Variants in ACOXL observed in about 807,000 individuals in gnomAD.
The protein encoded by ACOXL is acyl-CoA oxidase like.
A neutral mutation model predicts 71.9 loss-of-function variants in ACOXL; 70 were observed. That is an observed-to-expected ratio of 0.97 (90% CI 0.80 to 1.19). ACOXL has a LOEUF of 1.19. Among genes scored for constraint, ACOXL ranks in the 50% most tolerant of loss-of-function variants. ACOXL has a pLI of 0.00. For synonymous variants in ACOXL, 253 were observed against 281.6 expected (o/e 0.90, Z 1.02); for missense variants, 703 against 736.3 (o/e 0.95, Z 0.52).
At chr2:110,880,169 A>G (rs963168815) in intron 10 of ACOXL, among the ~76,000 whole-genome samples, 11 of 149,870 alleles carry the variant, frequency 7.3e-5, no homozygotes, top group African/African-American at 1.5e-4. Flanking sequence ...AAAAAAAAAA[A>G]AAAGAAAAGA....
At chr2:110,945,415 G>A (rs993911955) in intron 12 of ACOXL, among the ~76,000 whole-genome samples, 1 of 147,390 alleles carries the variant, frequency 6.8e-6, no homozygotes, top group Non-Finnish European at 1.5e-5. Flanking sequence ...TGAAATCTGT[G>A]CCAAGGCCTA....
intron 16 of ACOXL, 31 bp downstream of exon 16, chr2:111,049,319 A>T: frequency 6.5e-7 from 1 of 1,548,862 alleles, no homozygotes; most frequent in Non-Finnish European, 8.9e-7. Context: ...CTTATTTCCT[A>T]AAGGCTCAGA....
chr2:110,880,460 G>C (rs942260925), intron 10 of ACOXL, among the ~76,000 whole-genome samples: 5 of 152,196 alleles, frequency 3.3e-5, no homozygotes, highest in Non-Finnish European at 7.3e-5. Flanking sequence ...CAGAATTTAT[G>C]TAACAATCCT....
chr2:111,013,189 T>C (rs1005944806), intron 14 of ACOXL, among the ~76,000 whole-genome samples: 1 of 152,068 alleles, frequency 6.6e-6, no homozygotes, highest in Non-Finnish European at 1.5e-5. Flanking sequence ...TAACTTAGAA[T>C]AAATTCCTGG....
chr2:110,821,929 A>G (rs914149169), intron 9 of ACOXL, among the ~76,000 whole-genome samples: 6 of 151,778 alleles, frequency 4.0e-5, no homozygotes, highest in Admixed American at 2.6e-4. Context: ...ACATTCTTCT[A>G]TCATTGTGTG....
chr2:110,866,519 A>G (rs184798788), intron 10 of ACOXL, among the ~76,000 whole-genome samples: 1 of 152,180 alleles, frequency 6.6e-6, no homozygotes, highest in African/African-American at 2.4e-5. Context: ...CAATATTTGA[A>G]TCAGGAAGAT....
intron 10 of ACOXL, among the ~76,000 whole-genome samples, chr2:110,851,419 C>T (rs926630227): frequency 2.0e-5 from 3 of 152,240 alleles, no homozygotes; most frequent in South Asian, 2.1e-4. Flanking sequence ...ACTTGTTTTA[C>T]GTGCCCAGGG....
intron 10 of ACOXL, 102 bp from the exon 11 acceptor site, chr2:110,908,687 T>G: frequency 3.4e-6 from 3 of 873,226 alleles, no homozygotes; most frequent in Non-Finnish European, 5.6e-6. Context: ...CATTCTGGAG[T>G]CTTTGGAAGG....
At chr2:111,093,366 C>A in intron 17 of ACOXL, 1 of 1,285,844 alleles carries the variant, frequency 7.8e-7, no homozygotes, top group Non-Finnish European at 1.1e-6. Flanking sequence ...ACAATAGCTA[C>A]GGAGCACCTG....
At chr2:110,999,451 T>G (rs1263527648) in intron 14 of ACOXL, among the ~76,000 whole-genome samples, 1 of 152,112 alleles carries the variant, frequency 6.6e-6, no homozygotes, top group Non-Finnish European at 1.5e-5. Context: ...TCAAAAGCAT[T>G]AACCAGAAAG....
At chr2:110,808,688 G>C (rs1686957709) in intron 9 of ACOXL, among the ~76,000 whole-genome samples, 1 of 152,184 alleles carries the variant, frequency 6.6e-6, no homozygotes. Flanking sequence ...TTTTGCATGG[G>C]TTGTTTTCAT....
At chr2:110,938,087 G>A (rs2060732266) in intron 12 of ACOXL, among the ~76,000 whole-genome samples, 1 of 152,172 alleles carries the variant, frequency 6.6e-6, no homozygotes, top group Non-Finnish European at 1.5e-5. Context: ...CAGCTGCAGG[G>A]GCTCAGAGTA....
At chr2:111,018,557 C>T (rs2064576206) in intron 14 of ACOXL, among the ~76,000 whole-genome samples, 1 of 152,174 alleles carries the variant, frequency 6.6e-6, no homozygotes, top group South Asian at 2.1e-4. Context: ...CCATTTCTCC[C>T]TTCCCTGTAG....
chr2:110,851,596 G>T (rs1355122089), intron 10 of ACOXL, among the ~76,000 whole-genome samples: 8 of 152,224 alleles, frequency 5.3e-5, no homozygotes, highest in Admixed American at 5.2e-4. Flanking sequence ...ACTGTGTGGT[G>T]CTTCAGTGAG....
At chr2:110,919,752 G>C (rs2059999348) in intron 11 of ACOXL, among the ~76,000 whole-genome samples, 1 of 152,082 alleles carries the variant, frequency 6.6e-6, no homozygotes, top group Non-Finnish European at 1.5e-5. Context: ...CCAGCAACCT[G>C]TATTTTACAC....
rs73956480 is a variant in ACOXL at position 110,933,091 on chromosome 2, G to A, written c.906-398G>A. On this transcript the variant is annotated intron_variant, in intron 11 of 17. Transcript: ENST00000439055. ...ATTTTGAGTGGGTTTCTTGTATAAA[G>A]CATCTAGTTGAATCTTGATTTTTTA... Among the ~76,000 whole-genome samples, 1,058 of 152,218 alleles carry A rather than the reference G, an allele frequency of 7.0e-3. 10 individuals carry two copies. Among genetic ancestry groups the A allele is most frequent in the African/African-American group, 0.023 (956 of 41,524 alleles).
chr2:110,924,555 TC>T (rs2060201304), intron 11 of ACOXL, among the ~76,000 whole-genome samples: 1 of 152,206 alleles, frequency 6.6e-6, no homozygotes, highest in African/African-American at 2.4e-5. Context: ...GAAACCACTT[TC>T]TTTGCTCCTT....
chr2:110,880,675 C>T (rs1696527534), intron 10 of ACOXL, among the ~76,000 whole-genome samples: 1 of 152,136 alleles, frequency 6.6e-6, no homozygotes, highest in Non-Finnish European at 1.5e-5. Context: ...TGGCCGAGCA[C>T]AGTGGCTCAT....
At chr2:110,829,098 A>C (rs1451506640) in intron 9 of ACOXL, among the ~76,000 whole-genome samples, 1 of 152,240 alleles carries the variant, frequency 6.6e-6, no homozygotes, top group African/African-American at 2.4e-5. Context: ...GGCGTGAGCC[A>C]CCGTGCCCAG....
Sources: allele counts gnomAD v4.1 joint callset (sites outside exome capture counted in the v4.1 genomes callset), GRCh38; gene constraint gnomAD v4.1.1; transcripts MANE v1.5; gene names NCBI Gene and HGNC (gene_info 2026-07-23, HGNC 2026-07-21).